The following TFDP2 variants were observed in gnomAD, a reference collection of about 807,000 sequenced individuals.
TFDP2 encodes the protein transcription factor Dp-2.
In TFDP2, 17 loss-of-function variants were observed where a neutral mutation model predicts 59.3. The observed-to-expected ratio is 0.29, with a 90% CI of 0.20 to 0.43. The LOEUF (loss-of-function observed/expected upper bound fraction) is 0.43. Ranked by LOEUF, TFDP2 falls within the 20% of genes least tolerant of loss-of-function variation. TFDP2 has a pLI of 1.00. For missense variants in TFDP2, 391 were observed against 528.8 expected (o/e 0.74, Z 2.56); for synonymous variants, 180 against 194.7 (o/e 0.92, Z 0.63).
chr3:142,005,920 A>C (rs948471241), intron 3 of TFDP2, among the ~76,000 whole-genome samples: 3 of 148,674 alleles, frequency 2.0e-5, no homozygotes, highest in Admixed American at 1.3e-4. Context: ...TAGACATAAC[A>C]GAACAAATAA....
chr3:142,025,223 A>T (rs75679856), intron 3 of TFDP2, among the ~76,000 whole-genome samples: 10,578 of 152,238 alleles, frequency 0.069, 468 homozygotes, highest in Non-Finnish European at 0.11. Flanking sequence ...AGTATAAATC[A>T]ACAATATAAT....
intron 10 of TFDP2, among the ~76,000 whole-genome samples, chr3:141,963,432 T>C (rs973886117): frequency 2.0e-5 from 3 of 152,204 alleles, no homozygotes; most frequent in Non-Finnish European, 2.9e-5. Context: ...ACCTAAAATA[T>C]TTCCGTAATA....
At chr3:142,059,956 T>C (rs1283311154) in intron 3 of TFDP2, among the ~76,000 whole-genome samples, 1 of 152,168 alleles carries the variant, frequency 6.6e-6, no homozygotes, top group Non-Finnish European at 1.5e-5. Flanking sequence ...TTTCTAGTTC[T>C]CTTTGTTCAT....
chr3:142,009,924 A>C (rs9870186), intron 3 of TFDP2, among the ~76,000 whole-genome samples: 7,145 of 152,062 alleles, frequency 0.047, 177 homozygotes, highest in South Asian at 0.07. Flanking sequence ...AGAAAAATCA[A>C]ATATTGAAAC....
intron 3 of TFDP2, among the ~76,000 whole-genome samples, chr3:142,021,568 C>G (rs141955525): frequency 6.6e-6 from 1 of 152,310 alleles, no homozygotes; most frequent in African/African-American, 2.4e-5. Flanking sequence ...AACCTGTTCT[C>G]TTGGCTTTGT....
intron 1 of TFDP2, among the ~76,000 whole-genome samples, chr3:142,124,002 A>T (rs1409691451): frequency 6.6e-6 from 1 of 152,206 alleles, no homozygotes; most frequent in African/African-American, 2.4e-5. Context: ...AATAACAACT[A>T]TGTAAAGACA....
At chr3:142,075,459 C>T (rs992865223) in intron 3 of TFDP2, among the ~76,000 whole-genome samples, 7 of 152,098 alleles carry the variant, frequency 4.6e-5, no homozygotes, top group Non-Finnish European at 1.0e-4. Context: ...GTTTTTTCTG[C>T]GAAAGTTTAG....
At chr3:141,990,706 G>A (rs1034069670) in intron 6 of TFDP2, among the ~76,000 whole-genome samples, 3 of 152,010 alleles carry the variant, frequency 2.0e-5, no homozygotes, top group Non-Finnish European at 4.4e-5. Context: ...AAGAGCTCAG[G>A]TTCTAAAAAA....
intron 3 of TFDP2, among the ~76,000 whole-genome samples, chr3:142,049,503 C>T (rs1425883787): frequency 1.3e-5 from 2 of 152,118 alleles, no homozygotes; most frequent in African/African-American, 4.8e-5. Context: ...AAACCCATAG[C>T]TAAAAATCAT....
chr3:142,128,562 A>G (rs1361036137), intron 1 of TFDP2, among the ~76,000 whole-genome samples: 1 of 152,216 alleles, frequency 6.6e-6, no homozygotes, highest in Non-Finnish European at 1.5e-5. Flanking sequence ...ACAGATGGCC[A>G]AAGTTTACTA....
rs528761865 is a variant in TFDP2, at chr3:141,990,586, T to C, written c.356+2952A>G. On this transcript the variant is annotated intron_variant, in intron 6 of 12. Transcript: ENST00000489671. ...TAGCTTCTTAATTTAGTTCCTTTGA[T>C]AAAGAATGCTTCCTCCTGGTTTCTT... Among the ~76,000 whole-genome samples, 124 of 152,350 alleles carry C rather than the reference T, an allele frequency of 8.1e-4. No homozygotes were observed. In the South Asian group the frequency reaches 0.012, roughly 15 times the overall value.
chr3:142,019,016 T>G (rs770068739), intron 3 of TFDP2, among the ~76,000 whole-genome samples: 1 of 147,318 alleles, frequency 6.8e-6, no homozygotes, highest in Admixed American at 6.9e-5. Flanking sequence ...TTTCCCCCAA[T>G]TGAACAGTGT....
intron 1 of TFDP2, among the ~76,000 whole-genome samples, chr3:142,142,535 A>T (rs2062996560): frequency 6.6e-6 from 1 of 152,246 alleles, no homozygotes; most frequent in South Asian, 2.1e-4. Flanking sequence ...CTATCAAAGC[A>T]ATCTACAGAT....
chr3:142,110,229 C>A (rs2061604537), intron 1 of TFDP2, among the ~76,000 whole-genome samples: 1 of 152,076 alleles, frequency 6.6e-6, no homozygotes, highest in African/African-American at 2.4e-5. Flanking sequence ...TGCAGCCAGG[C>A]ACGGTGGCTC....
chr3:141,998,209 T>C, intron 4 of TFDP2, among the ~76,000 whole-genome samples: 1 of 151,996 alleles, frequency 6.6e-6, no homozygotes, highest in Non-Finnish European at 1.5e-5. Context: ...ACGTAAGAAA[T>C]AAAACAGAAG....
chr3:142,104,453 A>G (rs1293865382), intron 1 of TFDP2, among the ~76,000 whole-genome samples: 4 of 152,198 alleles, frequency 2.6e-5, no homozygotes, highest in Non-Finnish European at 4.4e-5. Flanking sequence ...CTTTAGGCAC[A>G]AATTTATAAA....
Position 141,949,399 on chromosome 3 carries a change from C to T in TFDP2, c.*3114G>A, listed in dbSNP as rs1287776060. 2.0e-5 allele frequency: 3 copies of T among 152,210 alleles called. No individual in the cohort carries two copies. Among genetic ancestry groups the T allele is most frequent in the East Asian group, 3.9e-4 (2 of 5,192 alleles). 9.4% of individuals were successfully genotyped at this position (152,210 alleles called of 1,614,324 possible). ...GCTCCTTTCCCGCCCTCCTCCAAGG[C>T]CCACCTTGATCATAAGGCACAAGGT... is the stretch of plus-strand genomic sequence containing the variant. On this transcript the variant is annotated 3_prime_UTR_variant, in exon 13 of 13. Coordinates refer to ENST00000489671, the MANE Select transcript of TFDP2 (RefSeq NM_001178139.2).
chr3:142,148,378 G>A (rs2063248862), intron 1 of TFDP2, among the ~76,000 whole-genome samples: 1 of 152,136 alleles, frequency 6.6e-6, no homozygotes, highest in African/African-American at 2.4e-5. Context: ...ATAATATAGG[G>A]TCTTTTTCTA....
At chr3:142,135,609 A>G (rs1014618324) in intron 1 of TFDP2, among the ~76,000 whole-genome samples, 1 of 151,878 alleles carries the variant, frequency 6.6e-6, no homozygotes, top group African/African-American at 2.4e-5. Flanking sequence ...CCTGTGTCCA[A>G]GTGTTCTCAT....
Sources: gnomAD v4.1 joint callset for allele counts (sites outside exome capture counted in the v4.1 genomes callset) on GRCh38, gnomAD v4.1.1 for gene constraint, MANE v1.5 for transcripts, NCBI Gene and HGNC (gene_info 2026-07-23, HGNC 2026-07-21) for gene names.